Variants in FZD5 observed in about 807,000 individuals in gnomAD.
The protein encoded by FZD5 is frizzled-5.
In FZD5, 12 loss-of-function variants were observed where a neutral mutation model predicts 40.8. The ratio of observed to expected loss-of-function variants is 0.29; its 90% CI spans 0.19 to 0.48. The LOEUF is 0.48. Ranked by LOEUF, FZD5 falls within the 20% of genes least tolerant of loss-of-function variation. FZD5 has a pLI of 0.99. For synonymous variants in FZD5, 380 were observed against 383.7 expected, an observed-to-expected ratio of 0.99 and a Z score of 0.11; for missense variants, 622 against 832.8, an observed-to-expected ratio of 0.75 and a Z score of 3.12.
In FZD5 at chr2:207,767,491, G is replaced by C. The variant is rs1450260781; in HGVS notation, c.1249C>G (p.Leu417Val). ...GACACGAAGCCCGCCAGCAGGAAGA[G>C]CGTGCCCACCAGCAGGTAGAGCACC... is the stretch of plus-strand genomic sequence containing the variant. ...PLVLYLLVGT[L>V]FLLAGFVSLF... The change falls in exon 2 of 2, where the codon CTC (leucine) becomes GTC (valine). Residue 417 changes from leucine (L) to valine (V), a missense_variant. Transcript: ENST00000295417. 1 of 1,610,274 alleles carries C rather than the reference G, an allele frequency of 6.2e-7. No homozygotes were observed. The highest frequency in any genetic ancestry group is 1.7e-5 in the Admixed American group (1 of 60,028).
Position 207,768,049 on chromosome 2 carries a change from C to T in FZD5, c.691G>A (p.Glu231Lys), listed in dbSNP as rs747294696. 1 of 1,612,570 alleles carries T rather than the reference C, an allele frequency of 6.2e-7. No homozygotes were observed. Among genetic ancestry groups the T allele is most frequent in the Non-Finnish European group, 8.5e-7 (1 of 1,179,334 alleles). The change falls in exon 2 of 2, where the codon GAG (glutamate) becomes AAG (lysine). Residue 231 changes from glutamate (E) to lysine (K), a missense_variant. By Grantham distance (56) the Glu-to-Lys change is moderately conservative. Transcript: ENST00000295417. ...PCYQPSFSAD[E>K]RTFATFWIGL... Reference sequence around the variant, plus strand: ...ATCCAGAAGGTGGCGAACGTGCGCTCGTCGGCACTGAAGGACGGCTGGTAG... The same window carrying T: ...ATCCAGAAGGTGGCGAACGTGCGCTTGTCGGCACTGAAGGACGGCTGGTAG...
In FZD5 at chr2:207,767,369, G is replaced by A. The variant is rs3731567; in HGVS notation, c.1371C>T (p.Tyr457=). Residue 457 remains tyrosine, a synonymous_variant, in exon 2 of 2, where the codon TAC becomes TAT. Coordinates refer to ENST00000295417, the MANE Select transcript of FZD5 (RefSeq NM_003468.4). ...MIRIGIFTLL[Y]TVPASIVVAC... is the part of the protein sequence containing the mutation. ...CCACCACAATGCTGGCGGGGACCGTGTAGAGCAGCGTGAAGATGCCGATGC... is the reference window on the plus strand; with the variant it reads ...CCACCACAATGCTGGCGGGGACCGTATAGAGCAGCGTGAAGATGCCGATGC... The A allele has an allele frequency of 0.013, 20,402 of 1,612,560 alleles. 541 individuals are homozygous for A. Among genetic ancestry groups the A allele is most frequent in the East Asian group, 0.11 (4,807 of 44,872 alleles).
rs1233510995 is a variant in FZD5 at position 207,765,050 on chromosome 2, T to A, written c.*1932A>T. On this transcript the variant is annotated 3_prime_UTR_variant, in exon 2 of 2. Transcript: ENST00000295417. ...CAGAGGATAAATTGGGTAAGAGCAG[T>A]GCATTTTAATAAATGTGAAGTTTTT... is the stretch of plus-strand genomic sequence containing the variant. 3 of 152,214 alleles carry A rather than the reference T, an allele frequency of 2.0e-5. No individual in the cohort carries two copies. Among genetic ancestry groups the A allele is most frequent in the African/African-American group, 7.2e-5 (3 of 41,448 alleles). The allele number at this position is 152,214 out of a possible 1,614,324, so 9.4% of individuals were successfully genotyped here.
In FZD5 at chr2:207,766,706, CAA is replaced by C. The variant is rs2091980862; in HGVS notation, c.*274_*275del. 3.0e-6 allele frequency: 1 copy of C among 328,800 alleles called. No homozygotes were observed. The highest frequency in any genetic ancestry group is 2.1e-5 in the African/African-American group (1 of 47,032). 20.4% of individuals were successfully genotyped at this position (328,800 alleles called of 1,614,324 possible). ...AAGGTAAATTGTTGCCAAAATGCAA[CAA>C]AGTTACAAATTAAGAAAAATACATA... On this transcript the variant is annotated 3_prime_UTR_variant, in exon 2 of 2. Transcript: ENST00000295417.
intron 1 of FZD5, 69 bp from the exon 2 acceptor site, chr2:207,769,063 C>G: frequency 5.4e-6 from 2 of 372,996 alleles, no homozygotes; most frequent in Non-Finnish European, 1.0e-5. Flanking sequence ...ACAGTTCGGT[C>G]CCCGCGAGCT....
Position 207,767,649 on chromosome 2 carries a change from G to A in FZD5, c.1091C>T (p.Ala364Val). 6.2e-7 allele frequency: 1 copy of A among 1,613,002 alleles called. No individual in the cohort carries two copies. Among genetic ancestry groups the A allele is most frequent in the Non-Finnish European group, 8.5e-7 (1 of 1,179,602 alleles). Residue 364 changes from alanine to valine, a missense_variant, in exon 2 of 2, where the codon GCG (alanine) becomes GTG (valine). Physicochemically the swap from Ala to Val is moderately conservative, Grantham distance 64. Around this residue, in one of 4 missense-constraint regions of FZD5, gnomAD observed 208 missense variants for 348.9 expected, o/e 0.60. Coordinates refer to ENST00000295417, the MANE Select transcript of FZD5 (RefSeq NM_003468.4). ...AGYAQYFHLA[A>V]WLIPSVKSIT... ...GGACTTGACGCTGGGGATGAGCCACGCAGCCAGGTGGAAGTACTGCGCGTA... is the reference window on the plus strand; with the variant it reads ...GGACTTGACGCTGGGGATGAGCCACACAGCCAGGTGGAAGTACTGCGCGTA...
chr2:207,764,461 T>C lies in FZD5; in HGVS notation c.*2521A>G, dbSNP rs1439344085. ...GCAGGTGGGCTTTTATCTTTGTCTCTCTTAGGGGATGAGGGAAGAGAGGGA... is the reference window on the plus strand; with the variant it reads ...GCAGGTGGGCTTTTATCTTTGTCTCCCTTAGGGGATGAGGGAAGAGAGGGA... On this transcript the variant is annotated 3_prime_UTR_variant, in exon 2 of 2. Coordinates refer to ENST00000295417, the MANE Select transcript of FZD5 (RefSeq NM_003468.4). 1 of 152,082 alleles carries C rather than the reference T, an allele frequency of 6.6e-6. No homozygotes were observed. Among genetic ancestry groups the C allele is most frequent in the African/African-American group, 2.4e-5 (1 of 41,384 alleles). The allele number at this position is 152,082 out of a possible 1,614,324, so 9.4% of individuals were successfully genotyped here. A position where few individuals can be genotyped will look rare whatever the true frequency, so the allele number is the denominator to read the frequency against.
In FZD5 at chr2:207,764,014, C is replaced by G. The variant is rs1419239514; in HGVS notation, c.*2968G>C. ...GAAAAATTATTTCCAGTCAATTTTA[C>G]CATTTCAAAATGTGAGAAGGAAAAT... On this transcript the variant is annotated 3_prime_UTR_variant, in exon 2 of 2. Coordinates refer to ENST00000295417, the MANE Select transcript of FZD5 (RefSeq NM_003468.4). 6.6e-6 allele frequency: 1 copy of G among 152,558 alleles called. No individual in the cohort carries two copies. The highest frequency in any genetic ancestry group is 1.5e-5 in the Non-Finnish European group (1 of 68,024). 9.5% of individuals were successfully genotyped at this position (152,558 alleles called of 1,614,324 possible). A position where few individuals can be genotyped will look rare whatever the true frequency, so the allele number is the denominator to read the frequency against.
rs535280944 is a variant in FZD5 at position 207,766,945 on chromosome 2, C to T, written c.*37G>A. ...ACTACCAAACAAAACGCCCCCCTCC[C>T]CTCAGCTCTCCGGCCGAGTCCCTCG... On this transcript the variant is annotated 3_prime_UTR_variant, in exon 2 of 2. Coordinates refer to ENST00000295417, the MANE Select transcript of FZD5 (RefSeq NM_003468.4). The T allele has an allele frequency of 3.5e-6, 5 of 1,413,278 alleles. No individual in the cohort carries two copies. In the Admixed American group the frequency reaches 1.4e-4, roughly 41 times the overall value. 87.5% of individuals were successfully genotyped at this position (1,413,278 alleles called of 1,614,324 possible). A position where few individuals can be genotyped will look rare whatever the true frequency, so the allele number is the denominator to read the frequency against.
Position 207,769,705 on chromosome 2 carries a change from C to G in FZD5, c.-696G>C, listed in dbSNP as rs1260435872. On this transcript the variant is annotated 5_prime_UTR_variant, in exon 1 of 2. Coordinates refer to ENST00000295417, the MANE Select transcript of FZD5 (RefSeq NM_003468.4). ...ACTGCATGGTGAGCGCCGGCCGCCG[C>G]GTCCCGCCCGCCGCTCGCCTCCTCC... 4 of 152,450 alleles carry G rather than the reference C, an allele frequency of 2.6e-5. No homozygotes were observed. In the East Asian group the frequency reaches 7.7e-4, roughly 29 times the overall value. The allele number at this position is 152,450 out of a possible 1,614,324, so 9.4% of individuals were successfully genotyped here.
Position 207,768,861 on chromosome 2 carries a change from T to C in FZD5, c.-122A>G. 1.3e-6 allele frequency: 1 copy of C among 786,196 alleles called. No homozygotes were observed. Among genetic ancestry groups the C allele is most frequent in the Admixed American group, 3.0e-5 (1 of 33,508 alleles). The allele number at this position is 786,196 out of a possible 1,614,324, so 48.7% of individuals were successfully genotyped here. A position where few individuals can be genotyped will look rare whatever the true frequency, so the allele number is the denominator to read the frequency against. On this transcript the variant is annotated 5_prime_UTR_variant, in exon 2 of 2. Coordinates refer to ENST00000295417, the MANE Select transcript of FZD5 (RefSeq NM_003468.4). ...GCGCCGGGGCTGGCAACCTGTTGGTTGCTTTTTCCTTTAAAGAAAACCGTC... is the reference window on the plus strand; with the variant it reads ...GCGCCGGGGCTGGCAACCTGTTGGTCGCTTTTTCCTTTAAAGAAAACCGTC...
rs1272940154 is a variant in FZD5 at position 207,768,384 on chromosome 2, A to G, written c.356T>C (p.Leu119Pro). 8.7e-6 allele frequency: 14 copies of G among 1,601,226 alleles called. No homozygotes were observed. The highest frequency in any genetic ancestry group is 2.2e-5 in the East Asian group (1 of 44,716). The change falls in exon 2 of 2, where the codon CTG (leucine) becomes CCG (proline). Residue 119 changes from leucine (L) to proline (P), a missense_variant. Around this residue, in one of 4 missense-constraint regions of FZD5, gnomAD observed 144 missense variants for 214.2 expected, o/e 0.67. Transcript: ENST00000295417. Reference sequence around the variant, plus strand: ...CCAGGCGAAGCCGTACTGGCGCATCAGCGGCGAGCAGCCGGCCTTGGCGCG... The same window carrying G: ...CCAGGCGAAGCCGTACTGGCGCATCGGCGGCGAGCAGCCGGCCTTGGCGCG... The part of the protein sequence containing the change: ...CERAKAGCSP[L>P]MRQYGFAWPE...
In FZD5 at chr2:207,768,733, G is replaced by T; in HGVS notation, c.7C>A (p.Arg3=). 6.4e-7 allele frequency: 1 copy of T among 1,565,886 alleles called. No individual in the cohort carries two copies. Among genetic ancestry groups the T allele is most frequent in the Non-Finnish European group, 8.6e-7 (1 of 1,156,576 alleles). MA[R]PDPSAPPSLL... ...GAGGGCGGCGCGGATGGGTCAGGCC[G>T]AGCCATCGCCCCCTCCCTCCCCTCG... Residue 3 remains arginine (R), a synonymous_variant, in exon 2 of 2, where the codon CGG becomes AGG. Coordinates refer to ENST00000295417, the MANE Select transcript of FZD5 (RefSeq NM_003468.4).
In FZD5 at chr2:207,767,113, G is replaced by T; in HGVS notation, c.1627C>A (p.Arg543Ser). 1 of 1,563,862 alleles carries T rather than the reference G, an allele frequency of 6.4e-7. No individual in the cohort carries two copies. Residue 543 changes from arginine (R) to serine (S), a missense_variant, in exon 2 of 2, where the codon CGC becomes AGC. By Grantham distance (110) the Arg-to-Ser change is moderately radical. Coordinates refer to ENST00000295417, the MANE Select transcript of FZD5 (RefSeq NM_003468.4). Reference sequence around the variant, plus strand: ...ATGGCGCCCCCGCTCTTGTGGCCGCGCCGCGGGCGGCAGCAGCAGCGGCTG... The same window carrying T: ...ATGGCGCCCCCGCTCTTGTGGCCGCTCCGCGGGCGGCAGCAGCAGCGGCTG... ...FTSRCCCRPR[R>S]GHKSGGAMAA...
chr2:207,764,839 G>A lies in FZD5; in HGVS notation c.*2143C>T, dbSNP rs1324422297. ...GAAGACATATGAAATGAGGGAAAAG[G>A]TCAAGGTGATCAGAAAAGGTTCTCT... On this transcript the variant is annotated 3_prime_UTR_variant, in exon 2 of 2. Transcript: ENST00000295417. 6.6e-6 allele frequency: 1 copy of A among 152,178 alleles called. No homozygotes were observed. Among genetic ancestry groups the A allele is most frequent in the African/African-American group, 2.4e-5 (1 of 41,430 alleles). 9.4% of individuals were successfully genotyped at this position (152,178 alleles called of 1,614,324 possible).
chr2:207,768,476 A>G lies in FZD5; in HGVS notation c.264T>C (p.Ser88=). Residue 88 remains serine, a synonymous_variant, in exon 2 of 2, where the codon TCT becomes TCC. Coordinates refer to ENST00000295417, the MANE Select transcript of FZD5 (RefSeq NM_003468.4). The part of the protein sequence containing the change: ...CSPDLRFFLC[S]MYTPICLPDY... ...CGGGCAGACAGATGGGCGTGTACAT[A>G]GAGCATAGGAAGAAGCGCAGGTCCG... The G allele has an allele frequency of 6.2e-7, 1 of 1,613,584 alleles. No individual in the cohort carries two copies.
chr2:207,768,232 G>A lies in FZD5; in HGVS notation c.508C>T (p.Pro170Ser). Residue 170 changes from proline (P) to serine (S), a missense_variant, in exon 2 of 2, where the codon CCA becomes TCA. By Grantham distance (74) the Pro-to-Ser change is moderately conservative. Transcript: ENST00000295417. The stretch of plus-strand genomic sequence containing the variant: ...GAGGCCGGCGCCCCTGGCGGGCCTG[G>A]AAGGGTGGGCTTGGCTGGGAAAGGC... The part of the protein sequence containing the change: ...PRPFPAKPTL[P>S]GPPGAPASGG... The A allele has an allele frequency of 6.4e-7, 1 of 1,562,228 alleles. No individual in the cohort carries two copies. The highest frequency in any genetic ancestry group is 8.6e-7 in the Non-Finnish European group (1 of 1,159,734).
In FZD5 at chr2:207,763,324, G is replaced by C. The variant is rs547260073; in HGVS notation, c.*3658C>G. 2 of 152,680 alleles carry C rather than the reference G, an allele frequency of 1.3e-5. No homozygotes were observed. Among genetic ancestry groups the C allele is most frequent in the South Asian group, 4.2e-4 (2 of 4,814 alleles). 9.5% of individuals were successfully genotyped at this position (152,680 alleles called of 1,614,324 possible). On this transcript the variant is annotated 3_prime_UTR_variant, in exon 2 of 2. Transcript: ENST00000295417. Reference sequence around the variant, plus strand: ...CTGAAATAAATCCTATTGTCATCAGGCTGCTAGCTTTTGAGAGTCTTGACT... The same window carrying C: ...CTGAAATAAATCCTATTGTCATCAGCCTGCTAGCTTTTGAGAGTCTTGACT...
rs2091964602 is a variant in FZD5, at chr2:207,763,474, A to G, written c.*3508T>C. 1 of 152,626 alleles carries G rather than the reference A, an allele frequency of 6.6e-6. No individual in the cohort carries two copies. Among genetic ancestry groups the G allele is most frequent in the Non-Finnish European group, 1.5e-5 (1 of 68,032 alleles). The allele number at this position is 152,626 out of a possible 1,614,324, so 9.5% of individuals were successfully genotyped here. A position where few individuals can be genotyped will look rare whatever the true frequency, so the allele number is the denominator to read the frequency against. On this transcript the variant is annotated 3_prime_UTR_variant, in exon 2 of 2. Coordinates refer to ENST00000295417, the MANE Select transcript of FZD5 (RefSeq NM_003468.4). ...AGGATCACTTGATTGGACTTTGGAA[A>G]CAAGAAAGAGCATGCAGAGGGAGCA...
Sources: allele counts gnomAD v4.1 joint callset, GRCh38; gene constraint gnomAD v4.1.1; regional missense constraint gnomAD v4.1.1; transcripts MANE v1.5; gene names NCBI Gene and HGNC (gene_info 2026-07-23, HGNC 2026-07-21).